Variants in ZEB1 observed in about 807,000 individuals in gnomAD.
ZEB1 encodes the protein zinc finger E-box binding homeobox 1.
ZEB1 carries 21 observed loss-of-function variants against 84.9 expected under a neutral mutation model. The ratio of observed to expected loss-of-function variants is 0.25; its 90% CI spans 0.18 to 0.36. The LOEUF (loss-of-function observed/expected upper bound fraction) is 0.36, where lower values mean the gene tolerates loss of function less well. Ranked by LOEUF, ZEB1 falls within the 10% of genes least tolerant of loss-of-function variation. The probability of loss-of-function intolerance (pLI) is 1.00; values close to 1 mark genes in which losing one functional copy is unlikely to be tolerated. For missense variants in ZEB1, 1,104 were observed against 1,330.2 expected (o/e 0.83, Z 2.65); for synonymous variants, 420 against 471.1 (o/e 0.89, Z 1.41).
At chr10:31,433,538 A>G (rs1182722561) in intron 1 of ZEB1, among the ~76,000 whole-genome samples, 3 of 152,226 alleles carry the variant, frequency 2.0e-5, no homozygotes, top group African/African-American at 7.2e-5. Context: ...TGTACCATGA[A>G]AAAAGCAGCT....
intron 1 of ZEB1, chr10:31,387,629 T>C: frequency 1.9e-6 from 1 of 513,022 alleles, no homozygotes; most frequent in Non-Finnish European, 2.5e-6. Flanking sequence ...ATTTAGGCAA[T>C]CTAGTGACAT....
chr10:31,419,635 T>C (rs1019742045), intron 1 of ZEB1, among the ~76,000 whole-genome samples: 1 of 152,160 alleles, frequency 6.6e-6, no homozygotes, highest in Non-Finnish European at 1.5e-5. Flanking sequence ...ATTTGCACTT[T>C]AACCATGAGT....
In ZEB1 at chr10:31,413,709, T is replaced by C. The variant is rs1019658109; in HGVS notation, c.59-47328T>C. On this transcript the variant is annotated intron_variant, in intron 1 of 8. Coordinates refer to ENST00000424869, the MANE Select transcript of ZEB1 (RefSeq NM_001174096.2). ...GTTTGAAAGAGAAAAATATGATCTC[T>C]AAATAGGGCTACTCATAAAAAATAT... 1.3e-5 allele frequency among the ~76,000 whole-genome samples: 2 copies of C among 152,272 alleles called. 1 individual carries two copies. Among genetic ancestry groups the C allele is most frequent in the Admixed American group, 1.3e-4 (2 of 15,294 alleles).
Position 31,521,907 on chromosome 10 carries a change from T to C in ZEB1, c.2575T>C (p.Leu859=). 6.2e-7 allele frequency: 1 copy of C among 1,614,030 alleles called. No homozygotes were observed. The highest frequency in any genetic ancestry group is 8.5e-7 in the Non-Finnish European group (1 of 1,179,988). The part of the protein sequence containing the change: ...TVSPAVQEPP[L]KVIQPNGNQD... ...CAGCCCTGCAGTCCAAGAACCACCC[T>C]TGAAAGTGATCCAGCCAAATGGAAA... Residue 859 remains leucine, a synonymous_variant, in exon 7 of 9, where the codon TTG becomes CTG. Coordinates refer to ENST00000424869, the MANE Select transcript of ZEB1 (RefSeq NM_001174096.2).
chr10:31,324,332 AATG>A (rs2034958582), intron 1 of ZEB1, among the ~76,000 whole-genome samples: 1 of 151,982 alleles, frequency 6.6e-6, no homozygotes, highest in African/African-American at 2.4e-5. Context: ...TTAAATTGAG[AATG>A]ATATTTTTAA....
chr10:31,409,393 A>T (rs1284273735), intron 1 of ZEB1, among the ~76,000 whole-genome samples: 1 of 152,194 alleles, frequency 6.6e-6, no homozygotes, highest in Non-Finnish European at 1.5e-5. Flanking sequence ...TACCAGTACC[A>T]TGCTGTTTTG....
At chr10:31,350,498 C>A (rs2041133135) in intron 1 of ZEB1, among the ~76,000 whole-genome samples, 1 of 152,078 alleles carries the variant, frequency 6.6e-6, no homozygotes, top group South Asian at 2.1e-4. Flanking sequence ...GATCAAGAAC[C>A]AGGACTACCT....
intron 1 of ZEB1, among the ~76,000 whole-genome samples, chr10:31,366,704 A>G (rs1364734639): frequency 6.6e-6 from 1 of 152,100 alleles, no homozygotes; most frequent in Non-Finnish European, 1.5e-5. Flanking sequence ...CTGAAATGCA[A>G]TTTCTATCTA....
chr10:31,414,077 T>C (rs1175715037), intron 1 of ZEB1, among the ~76,000 whole-genome samples: 1 of 152,270 alleles, frequency 6.6e-6, no homozygotes, highest in Non-Finnish European at 1.5e-5. Flanking sequence ...TTACCCTTTT[T>C]AATCATAGGT....
chr10:31,359,020 T>C (rs1174797411), intron 1 of ZEB1, among the ~76,000 whole-genome samples: 1 of 151,962 alleles, frequency 6.6e-6, no homozygotes, highest in Non-Finnish European at 1.5e-5. Flanking sequence ...CTGGTCTTCT[T>C]GTGTCGTTTT....
rs1325368407 is a variant in ZEB1, at chr10:31,321,572, T to G, written c.58+2280T>G. ...AAAGAGCTGTTCGCTTTTTACCTTATTTAAAATGTTGATCGCCAGAGAAAG... is the reference window on the plus strand; with the variant it reads ...AAAGAGCTGTTCGCTTTTTACCTTAGTTAAAATGTTGATCGCCAGAGAAAG... On this transcript the variant is annotated intron_variant, in intron 1 of 8. Coordinates refer to ENST00000424869, the MANE Select transcript of ZEB1 (RefSeq NM_001174096.2). 3 of 1,614,030 alleles carry G rather than the reference T, an allele frequency of 1.9e-6. No homozygotes were observed. The East Asian group carries it at 6.7e-5, about 36-fold the overall frequency.
At chr10:31,363,755 G>C (rs957868904) in intron 1 of ZEB1, 1 of 1,233,892 alleles carries the variant, frequency 8.1e-7, no homozygotes, top group Non-Finnish European at 1.1e-6. Context: ...CTTGAGGGGG[G>C]GCTCCAGACC....
intron 1 of ZEB1, among the ~76,000 whole-genome samples, chr10:31,366,727 T>G (rs1238641473): frequency 1.3e-5 from 2 of 152,206 alleles, no homozygotes; most frequent in Non-Finnish European, 2.9e-5. Flanking sequence ...AAAATCTTAG[T>G]CATTATGAGG....
At position 31,319,224 on chromosome 10, in the gene ZEB1, G is replaced by C; in HGVS notation, c.-11G>C. 2 of 1,605,774 alleles carry C rather than the reference G, an allele frequency of 1.2e-6. No homozygotes were observed. The highest frequency in any genetic ancestry group is 2.2e-5 in the East Asian group (1 of 44,456). ...AGGTGACTCGAGCATTTAGACACAA[G>C]CGAGAGGATCATGGCGGATGGCCCC... On this transcript the variant is annotated 5_prime_UTR_variant, in exon 1 of 9. Transcript: ENST00000424869.
chr10:31,387,445 A>G (rs572538802), intron 1 of ZEB1, among the ~76,000 whole-genome samples: 1 of 152,332 alleles, frequency 6.6e-6, no homozygotes, highest in African/African-American at 2.4e-5. Context: ...GAAGTGAAGC[A>G]TGTCCTGGGG....
intron 1 of ZEB1, among the ~76,000 whole-genome samples, chr10:31,425,281 A>T (rs368762261): frequency 2.6e-5 from 4 of 152,138 alleles, no homozygotes; most frequent in Non-Finnish European, 5.9e-5. Context: ...GCATTTTTAA[A>T]ATTTTGAAAC....
At chr10:31,479,634 A>T (rs912940252) in intron 2 of ZEB1, among the ~76,000 whole-genome samples, 2 of 151,930 alleles carry the variant, frequency 1.3e-5, no homozygotes, top group African/African-American at 4.8e-5. Flanking sequence ...TAATATTCTG[A>T]TATTCACAGA....
At chr10:31,462,640 G>A (rs1310959275) in intron 2 of ZEB1, among the ~76,000 whole-genome samples, 1 of 152,124 alleles carries the variant, frequency 6.6e-6, no homozygotes, top group African/African-American at 2.4e-5. Context: ...TGAGCAAAGT[G>A]TTCACAGAAA....
At position 31,527,205 on chromosome 10, in the gene ZEB1, G is replaced by C. The variant is rs1248076108; in HGVS notation, c.3319G>C (p.Gly1107Arg). The C allele has an allele frequency of 1.9e-6, 3 of 1,611,646 alleles. No homozygotes were observed. The South Asian group carries it at 3.3e-5, about 18-fold the overall frequency. ...DRAESQASSL[G>R]QKVGESSEQV... ...GGCTGAAAGTCAAGCAAGCAGCTTA[G>C]GACAAAAAGTAGGCGAGAGTAGTGA... Residue 1107 changes from glycine to arginine, a missense_variant, in exon 9 of 9, where the codon GGA becomes CGA. By Grantham distance (125) the Gly-to-Arg change is moderately radical. This residue lies in a region of ZEB1 where 173 missense variants were observed against 167.0 expected (regional missense o/e 1.04). Transcript: ENST00000424869.
Sources: gnomAD v4.1 joint callset for allele counts (sites outside exome capture counted in the v4.1 genomes callset) on GRCh38, gnomAD v4.1.1 for gene constraint, gnomAD v4.1.1 regional missense constraint, MANE v1.5 for transcripts, NCBI Gene and HGNC (gene_info 2026-07-23, HGNC 2026-07-21) for gene names.